The following SPIDR variants were observed in gnomAD, a reference collection of about 807,000 sequenced individuals.
SPIDR encodes scaffold protein involved in DNA repair, also known as DNA repair-scaffolding protein.
In SPIDR, 93 loss-of-function variants were observed where a neutral mutation model predicts 104.6. The ratio of observed to expected loss-of-function variants is 0.89; its 90% confidence interval spans 0.75 to 1.06. The LOEUF is 1.06. Among genes scored for constraint, SPIDR ranks in the 50% least tolerant of loss-of-function variants. SPIDR has a pLI of 0.00. For synonymous variants in SPIDR, 431 were observed against 416.9 expected, an observed-to-expected ratio of 1.03 and a Z score of -0.41; for missense variants, 1,154 against 1,111.2, an observed-to-expected ratio of 1.04 and a Z score of -0.55.
chr8:47,607,724 T>C (rs2063129775), intron 10 of SPIDR, among the ~76,000 whole-genome samples: 1 of 152,030 alleles, frequency 6.6e-6, no homozygotes, highest in African/African-American at 2.4e-5. Flanking sequence ...GTAGTCTTAC[T>C]ACTGCTTATT....
At chr8:47,695,198 G>A (rs1333505805) in intron 11 of SPIDR, among the ~76,000 whole-genome samples, 1 of 152,010 alleles carries the variant, frequency 6.6e-6, no homozygotes, top group Non-Finnish European at 1.5e-5. Flanking sequence ...CTGCCTGAAA[G>A]GCTCTCGGAA....
intron 1 of SPIDR, among the ~76,000 whole-genome samples, chr8:47,266,311 A>T (rs1554546679): frequency 6.6e-6 from 1 of 151,790 alleles, no homozygotes; most frequent in South Asian, 2.1e-4. Context: ...TTTGTATTTT[A>T]GTAGAGACAG....
intron 11 of SPIDR, among the ~76,000 whole-genome samples, chr8:47,693,924 G>A (rs1197266423): frequency 6.6e-6 from 1 of 152,226 alleles, no homozygotes; most frequent in Non-Finnish European, 1.5e-5. Context: ...CCTTCTCAGA[G>A]GTGGTCCTCC....
intron 8 of SPIDR, among the ~76,000 whole-genome samples, chr8:47,564,987 C>G (rs1261088817): frequency 6.6e-6 from 1 of 152,168 alleles, no homozygotes; most frequent in East Asian, 1.9e-4. Context: ...TCGCTCATGC[C>G]TGTAATGCCA....
chr8:47,449,583 G>A (rs953378706), intron 8 of SPIDR, among the ~76,000 whole-genome samples: 2 of 152,190 alleles, frequency 1.3e-5, no homozygotes, highest in African/African-American at 2.4e-5. Context: ...TGTTTACTGG[G>A]TGAGATTATC....
chr8:47,504,651 C>T (rs911169774), intron 8 of SPIDR, among the ~76,000 whole-genome samples: 4 of 152,324 alleles, frequency 2.6e-5, no homozygotes, highest in Admixed American at 1.3e-4. Context: ...AGTCATTCTC[C>T]GTCCAGCTTT....
At chr8:47,662,707 C>T (rs972618554) in intron 10 of SPIDR, among the ~76,000 whole-genome samples, 5 of 152,134 alleles carry the variant, frequency 3.3e-5, no homozygotes, top group Admixed American at 6.5e-5. Flanking sequence ...TTCCTCTTAT[C>T]CCTGCTTTCT....
chr8:47,721,137 C>T (rs958570747), intron 16 of SPIDR, among the ~76,000 whole-genome samples: 19 of 152,162 alleles, frequency 1.2e-4, no homozygotes, highest in Admixed American at 2.6e-4. Flanking sequence ...GTTTCTTTCA[C>T]GAATTGCATT....
chr8:47,516,779 T>C (rs2083234698), intron 8 of SPIDR, among the ~76,000 whole-genome samples: 1 of 152,174 alleles, frequency 6.6e-6, no homozygotes, highest in Admixed American at 6.5e-5. Context: ...GCTCTCAATT[T>C]TTTTTCGGCT....
intron 3 of SPIDR, among the ~76,000 whole-genome samples, chr8:47,288,692 T>C (rs1044473079): frequency 1.3e-5 from 2 of 152,378 alleles, no homozygotes; most frequent in African/African-American, 4.8e-5. Flanking sequence ...AGATATAGAT[T>C]CTTAGAATAT....
chr8:47,640,165 C>T (rs1217453506), intron 10 of SPIDR, among the ~76,000 whole-genome samples: 1 of 152,184 alleles, frequency 6.6e-6, no homozygotes, highest in Non-Finnish European at 1.5e-5. Context: ...ATGCCCCATT[C>T]CTGCCATTTA....
At chr8:47,343,791 C>G (rs947349821) in intron 5 of SPIDR, among the ~76,000 whole-genome samples, 3 of 152,000 alleles carry the variant, frequency 2.0e-5, no homozygotes, top group Admixed American at 6.6e-5. Context: ...CCAGAAGTTT[C>G]TACAGTTAAT....
chr8:47,283,165 TTTTGA>T (rs2038154492), intron 2 of SPIDR, among the ~76,000 whole-genome samples: 1 of 152,224 alleles, frequency 6.6e-6, no homozygotes, highest in Admixed American at 6.5e-5. Flanking sequence ...CATTTCCAGC[TTTTGA>T]TTTAAGGTGT....
chr8:47,501,142 A>G (rs2080351697), intron 8 of SPIDR, among the ~76,000 whole-genome samples: 1 of 152,166 alleles, frequency 6.6e-6, no homozygotes, highest in African/African-American at 2.4e-5. Context: ...TTTTGGTTCC[A>G]TAGGAACTTT....
chr8:47,550,903 G>A (rs910106120), intron 8 of SPIDR, among the ~76,000 whole-genome samples: 2 of 152,136 alleles, frequency 1.3e-5, no homozygotes, highest in African/African-American at 4.8e-5. Context: ...TTGGCTGTGG[G>A]TTTGTCATAA....
At chr8:47,298,129 G>A (rs2041252880) in intron 5 of SPIDR, among the ~76,000 whole-genome samples, 2 of 152,248 alleles carry the variant, frequency 1.3e-5, no homozygotes, top group African/African-American at 4.8e-5. Flanking sequence ...GTTGTTTCCT[G>A]ACTTTTTAAT....
At chr8:47,595,755 A>G (rs2061566543) in intron 8 of SPIDR, 56 bp from the exon 9 acceptor site, 8 of 1,547,138 alleles carry the variant, frequency 5.2e-6, no homozygotes, top group Non-Finnish European at 4.4e-6. Flanking sequence ...TTTAGCAAGA[A>G]TATGAGGGGA....
intron 10 of SPIDR, among the ~76,000 whole-genome samples, chr8:47,612,800 C>T (rs2063766355): frequency 6.6e-6 from 1 of 152,150 alleles, no homozygotes; most frequent in South Asian, 2.1e-4. Context: ...GTAAAAACAA[C>T]ACTAAGTATG....
At chr8:47,405,977 A>G (rs949231885) in intron 6 of SPIDR, among the ~76,000 whole-genome samples, 1 of 151,912 alleles carries the variant, frequency 6.6e-6, no homozygotes. Context: ...GTGTGTAGAG[A>G]GCGCCTGTGC....
Sources: gnomAD v4.1 joint callset for allele counts (sites outside exome capture counted in the v4.1 genomes callset) on GRCh38, gnomAD v4.1.1 for gene constraint, MANE v1.5 for transcripts, NCBI Gene and HGNC (gene_info 2026-07-23, HGNC 2026-07-21) for gene names.